Variants in SNX30 observed in about 807,000 individuals in gnomAD.
The protein encoded by SNX30 is sorting nexin-30.
Under a neutral mutation model 46.4 loss-of-function variants are expected in SNX30, and 24 were observed. The ratio of observed to expected loss-of-function variants is 0.52; its 90% confidence interval spans 0.37 to 0.73. SNX30 has a LOEUF of 0.73. SNX30 is among the 30% of genes least tolerant of loss of function. SNX30 has a pLI of 0.00. For synonymous variants in SNX30, 189 were observed against 211.5 expected (o/e 0.89, Z 0.92); for missense variants, 533 against 555.7 (o/e 0.96, Z 0.41).
chr9:112,855,354 A>C (rs1841105492), intron 7 of SNX30, among the ~76,000 whole-genome samples: 1 of 152,010 alleles, frequency 6.6e-6, no homozygotes, highest in Admixed American at 6.6e-5. Flanking sequence ...CGGGGAGGAG[A>C]GGTCCCCTGG....
rs562756883 is a variant in SNX30, at chr9:112,761,166, T to G, written c.156+10009T>G. 4.6e-5 allele frequency among the ~76,000 whole-genome samples: 7 copies of G among 152,288 alleles called. No individual in the cohort carries two copies. In the South Asian group the frequency reaches 1.4e-3, roughly 32 times the overall value. On this transcript the variant is annotated intron_variant, in intron 1 of 8. Transcript: ENST00000374232. ...CCTAGAGGGCGTGGTTTTGTTTGTTTGTTTGTTTGTTTTTGAGACGGAGTC... is the reference window on the plus strand; with the variant it reads ...CCTAGAGGGCGTGGTTTTGTTTGTTGGTTTGTTTGTTTTTGAGACGGAGTC...
At chr9:112,875,096 A>G (rs1841503862), downstream of SNX30, 1 of 152,216 alleles carries the variant, frequency 6.6e-6, no homozygotes, top group Non-Finnish European at 1.5e-5. Flanking sequence ...GCCTGTAAGA[A>G]TCAAGACATA....
intron 2 of SNX30, among the ~76,000 whole-genome samples, chr9:112,809,510 A>G (rs750158752): frequency 5.9e-5 from 9 of 151,498 alleles, no homozygotes; most frequent in South Asian, 2.1e-4. Context: ...CGAGCCTTCA[A>G]TTCCCTTCAG....
intron 1 of SNX30, among the ~76,000 whole-genome samples, chr9:112,755,348 G>T (rs564058279): frequency 6.6e-6 from 1 of 152,264 alleles, no homozygotes; most frequent in African/African-American, 2.4e-5. Context: ...TGGTGTGTCG[G>T]GGAGCAGCCT....
intron 1 of SNX30, among the ~76,000 whole-genome samples, chr9:112,784,917 AC>A (rs1195433453): frequency 6.6e-6 from 1 of 152,096 alleles, no homozygotes. Context: ...CCTTTCCTCC[AC>A]ATCTAGAATA....
intron 3 of SNX30, among the ~76,000 whole-genome samples, chr9:112,821,476 T>C (rs1840494057): frequency 1.3e-5 from 2 of 152,070 alleles, no homozygotes; most frequent in Non-Finnish European, 2.9e-5. Context: ...TGTGTGTATA[T>C]ATATGTGTGT....
At chr9:112,813,299 A>G (rs546844040) in intron 2 of SNX30, among the ~76,000 whole-genome samples, 1 of 145,366 alleles carries the variant, frequency 6.9e-6, no homozygotes, top group South Asian at 2.1e-4. Flanking sequence ...GCCTATCTCT[A>G]CAAAAAAAAC....
At chr9:112,761,859 T>G (rs940334103) in intron 1 of SNX30, among the ~76,000 whole-genome samples, 1 of 152,060 alleles carries the variant, frequency 6.6e-6, no homozygotes, top group Non-Finnish European at 1.5e-5. Flanking sequence ...ATTAAATAGA[T>G]GTATAATCCC....
chr9:112,762,617 C>A (rs948476607), intron 1 of SNX30, among the ~76,000 whole-genome samples: 2 of 152,174 alleles, frequency 1.3e-5, no homozygotes, highest in African/African-American at 4.8e-5. Flanking sequence ...GATTCTGAAG[C>A]TTAGCTGGGT....
At chr9:112,838,829 G>T (rs896904579) in intron 6 of SNX30, 132 bp downstream of exon 6, 8 of 749,126 alleles carry the variant, frequency 1.1e-5, no homozygotes, top group African/African-American at 1.0e-4. Flanking sequence ...CAGACACGTG[G>T]ACTGACATCA....
At chr9:112,798,121 C>CTTTTTTT (rs57300324) in intron 1 of SNX30, among the ~76,000 whole-genome samples, 2 of 77,884 alleles carry the variant, frequency 2.6e-5, no homozygotes, top group African/African-American at 5.1e-5. Context: ...TTTTTTTTTT[C>CTTTTTTT]TTTTTTTTTT....
At chr9:112,819,127 A>G (rs1020862998) in intron 3 of SNX30, among the ~76,000 whole-genome samples, 1 of 152,226 alleles carries the variant, frequency 6.6e-6, no homozygotes, top group Non-Finnish European at 1.5e-5. Flanking sequence ...TAGTAGAGAG[A>G]ATTCTCAAGC....
In SNX30 at chr9:112,838,389, A is replaced by G. The variant is rs1044429162; in HGVS notation, c.815-109A>G. 4.2e-5 allele frequency: 38 copies of G among 907,522 alleles called. No homozygotes were observed. In the Middle Eastern group the frequency reaches 1.4e-3, roughly 33 times the overall value. 56.2% of individuals were successfully genotyped at this position (907,522 alleles called of 1,614,324 possible). A position where few individuals can be genotyped will look rare whatever the true frequency, so the allele number is the denominator to read the frequency against. ...GTGGGATCAGGTGAGTGAATGGCCAAAGAAACACATGTTCATGTAGAGAGC... is the reference window on the plus strand; with the variant it reads ...GTGGGATCAGGTGAGTGAATGGCCAGAGAAACACATGTTCATGTAGAGAGC... On this transcript the variant is annotated intron_variant, in intron 5 of 8. Coordinates refer to ENST00000374232, the MANE Select transcript of SNX30 (RefSeq NM_001012994.2).
chr9:112,762,642 G>A (rs532974188), intron 1 of SNX30, among the ~76,000 whole-genome samples: 2 of 152,332 alleles, frequency 1.3e-5, no homozygotes, highest in South Asian at 4.1e-4. Context: ...AGTGTCTGGG[G>A]CACAGTAAAG....
intron 6 of SNX30, among the ~76,000 whole-genome samples, chr9:112,844,861 A>G (rs1165351920): frequency 6.6e-6 from 1 of 152,212 alleles, no homozygotes; most frequent in Non-Finnish European, 1.5e-5. Context: ...ACAGGGCCAC[A>G]AGGTGGCGCC....
intron 3 of SNX30, among the ~76,000 whole-genome samples, chr9:112,821,816 G>A (rs1440250282): frequency 6.6e-6 from 1 of 151,332 alleles, no homozygotes; most frequent in Non-Finnish European, 1.5e-5. Flanking sequence ...TAAGAGGCAG[G>A]AATGTTGTTT....
At position 112,872,415 on chromosome 9, in the gene SNX30, C is replaced by G. The variant is rs1466945422; in HGVS notation, c.*3572C>G. 1.3e-5 allele frequency: 2 copies of G among 152,196 alleles called. No individual in the cohort carries two copies. Among genetic ancestry groups the G allele is most frequent in the Non-Finnish European group, 2.9e-5 (2 of 68,054 alleles). The allele number at this position is 152,196 out of a possible 1,614,324, so 9.4% of individuals were successfully genotyped here. ...TGTTTTGACACCATTCATTGGACTG[C>G]GGGACAGTCATTCTTTACGTTCTCT... On this transcript the variant is annotated 3_prime_UTR_variant, in exon 9 of 9. Transcript: ENST00000374232.
intron 1 of SNX30, among the ~76,000 whole-genome samples, chr9:112,777,600 A>ATTTTTTTTTTTTTT (rs55784760): frequency 1.3e-5 from 1 of 75,592 alleles, no homozygotes; most frequent in African/African-American, 5.5e-5. Context: ...CTAGTTTTTA[A>ATTTTTTTTTTTTTT]TTTTTTTTTT....
At chr9:112,865,043 A>C (rs1841299165) in intron 8 of SNX30, among the ~76,000 whole-genome samples, 2 of 146,510 alleles carry the variant, frequency 1.4e-5, no homozygotes, top group South Asian at 2.2e-4. Flanking sequence ...CCACACACAC[A>C]CTACACACAC....
Sources: allele counts gnomAD v4.1 joint callset (sites outside exome capture counted in the v4.1 genomes callset), GRCh38; gene constraint gnomAD v4.1.1; transcripts MANE v1.5; gene names NCBI Gene and HGNC (gene_info 2026-07-23, HGNC 2026-07-21).